The following FAM120C variants were observed in gnomAD, a reference collection of about 807,000 sequenced individuals.
FAM120C encodes the protein constitutive coactivator of PPAR-gamma-like protein 2.
Under a neutral mutation model 71.2 loss-of-function variants are expected in FAM120C, and 14 were observed. The ratio of observed to expected loss-of-function variants is 0.20; its 90% CI spans 0.13 to 0.31. The LOEUF is 0.31. Ranked by LOEUF, FAM120C falls within the 10% of genes least tolerant of loss-of-function variation. The probability of loss-of-function intolerance (pLI) is 1.00; values close to 1 mark genes in which losing one functional copy is unlikely to be tolerated. For missense variants in FAM120C, 500 were observed against 879.0 expected, an observed-to-expected ratio of 0.57 and a Z score of 5.45; for synonymous variants, 354 against 353.2, an observed-to-expected ratio of 1.00 and a Z score of -0.03.
intron 3 of FAM120C, among the ~76,000 whole-genome samples, chrX:54,155,422 CTG>C (rs1307183155): frequency 9.0e-6 from 1 of 111,586 alleles, no homozygotes; most frequent in Non-Finnish European, 1.9e-5. Context: ...GGGTGAGTAT[CTG>C]TGTCAAATGC....
intron 10 of FAM120C, among the ~76,000 whole-genome samples, chrX:54,104,928 C>T (rs952047468): frequency 9.0e-6 from 1 of 111,334 alleles, no homozygotes; most frequent in Admixed American, 9.6e-5. Flanking sequence ...AGCCTACTAA[C>T]CAAAAAAAGT....
At chrX:54,182,155 G>A (rs1292038571) in intron 1 of FAM120C, among the ~76,000 whole-genome samples, 1 of 112,108 alleles carries the variant, frequency 8.9e-6, no homozygotes, top group African/African-American at 3.2e-5. Flanking sequence ...TCAGTTTGAG[G>A]CAGAAGACAC....
chrX:54,126,969 CG>C lies in FAM120C; in HGVS notation c.2062+5722del, dbSNP rs782775519. On this transcript the variant is annotated intron_variant, in intron 9 of 15. Coordinates refer to ENST00000375180, the MANE Select transcript of FAM120C (RefSeq NM_017848.6). ...TTGATTTCTTACAGTTGTGGAGGCT[CG>C]GAAGTCTAAGATCAAGGTATTGGTA... is the stretch of plus-strand genomic sequence containing the variant. Among the ~76,000 whole-genome samples, 30 of 112,258 alleles carry C rather than the reference CG, an allele frequency of 2.7e-4. No individual in the cohort carries two copies. The South Asian group carries it at 5.9e-3, about 22-fold the overall frequency.
intron 10 of FAM120C, among the ~76,000 whole-genome samples, chrX:54,114,481 G>A (rs1187446870): frequency 1.8e-5 from 2 of 110,144 alleles, no homozygotes; most frequent in Non-Finnish European, 3.8e-5. Context: ...GTCTCGCTCT[G>A]TCATCCAGGC....
chrX:54,173,374 G>A (rs782274105), intron 1 of FAM120C, among the ~76,000 whole-genome samples: 6 of 111,740 alleles, frequency 5.4e-5, no homozygotes, highest in South Asian at 7.5e-4. Flanking sequence ...TCAGCCTCTC[G>A]AGTAGCTGGG....
At chrX:54,091,888 G>A (rs1181389683) in intron 10 of FAM120C, among the ~76,000 whole-genome samples, 1 of 111,327 alleles carries the variant, frequency 9.0e-6, no homozygotes, top group Admixed American at 9.7e-5. Context: ...AGCTAAGCAC[G>A]TTTGGAGTGA....
chrX:54,139,620 C>T (rs1203349866), intron 4 of FAM120C, among the ~76,000 whole-genome samples: 2 of 110,741 alleles, frequency 1.8e-5, no homozygotes, highest in African/African-American at 3.3e-5. Context: ...GAATTACAGG[C>T]GTGAGCCACC....
In FAM120C at chrX:54,148,106, A is replaced by G. The variant is rs1397346276; in HGVS notation, c.1158+3139T>C. Among the ~76,000 whole-genome samples, 4 of 111,896 alleles carry G rather than the reference A, an allele frequency of 3.6e-5. No individual in the cohort carries two copies. In the Admixed American group the frequency reaches 3.8e-4, roughly 11 times the overall value. ...CATCACACCAAAAGCATGACCCATA[A>G]AAGATAAAAACTAATGAAAAATTTA... On this transcript the variant is annotated intron_variant, in intron 4 of 15. Transcript: ENST00000375180.
intron 1 of FAM120C, chrX:54,174,281 A>G: frequency 2.2e-6 from 1 of 465,052 alleles, no homozygotes; most frequent in Non-Finnish European, 3.9e-6. Context: ...TGCTCATCAG[A>G]AGCAAGTCAC....
At chrX:54,158,488 G>A (rs782576720) in intron 2 of FAM120C, among the ~76,000 whole-genome samples, 1 of 112,111 alleles carries the variant, frequency 8.9e-6, no homozygotes, top group African/African-American at 3.2e-5. Flanking sequence ...GATATATTGG[G>A]CCAGGCACGG....
chrX:54,177,445 C>T (rs1239450813), intron 1 of FAM120C, among the ~76,000 whole-genome samples: 2 of 111,005 alleles, frequency 1.8e-5, no homozygotes, highest in East Asian at 2.8e-4. Flanking sequence ...TCAAAGGATC[C>T]GATGACCAAG....
intron 1 of FAM120C, 98 bp from the exon 2 acceptor site, chrX:54,159,714 TTTGAAA>T: frequency 1.0e-6 from 1 of 952,759 alleles, no homozygotes; most frequent in South Asian, 2.5e-5. Context: ...TTTGGTGAAA[TTTGAAA>T]TTGTACGTGA....
At position 54,081,357 on chromosome X, in the gene FAM120C, G is replaced by A; in HGVS notation, c.2943C>T (p.Gly981=). ...GCCCACCGACAGAAACCACTTGCATGCCGAAGGATCCTCGGCCCCTGGAGG... is the reference window on the plus strand; with the variant it reads ...GCCCACCGACAGAAACCACTTGCATACCGAAGGATCCTCGGCCCCTGGAGG... ...SRSSRGRGSF[G]MQVVSVGGPG... The change falls in exon 14 of 16, where the codon GGC becomes GGT. Residue 981 remains glycine (G), a synonymous_variant. Transcript: ENST00000375180. The A allele has an allele frequency of 8.3e-7, 1 of 1,209,263 alleles. No individual in the cohort carries two copies. Among genetic ancestry groups the A allele is most frequent in the Non-Finnish European group, 1.1e-6 (1 of 894,670 alleles).
At chrX:54,135,218 G>T in intron 6 of FAM120C, 107 bp from the exon 7 acceptor site, 2 of 765,111 alleles carry the variant, frequency 2.6e-6, no homozygotes, top group Non-Finnish European at 3.7e-6. Context: ...GGAGATTGTT[G>T]AGATACAAAG....
At chrX:54,084,127 C>CT (rs2066782032) in intron 13 of FAM120C, among the ~76,000 whole-genome samples, 1 of 111,945 alleles carries the variant, frequency 8.9e-6, no homozygotes, top group African/African-American at 3.2e-5. Context: ...TAACTGGAGA[C>CT]TAAGCATCAC....
intron 4 of FAM120C, among the ~76,000 whole-genome samples, chrX:54,138,197 G>C (rs968272997): frequency 2.6e-4 from 29 of 111,522 alleles, no homozygotes; most frequent in African/African-American, 9.1e-4. Flanking sequence ...GTGAAGAAGG[G>C]AGACACAAAA....
At chrX:54,146,196 T>C (rs1423201208) in intron 4 of FAM120C, among the ~76,000 whole-genome samples, 2 of 110,748 alleles carry the variant, frequency 1.8e-5, no homozygotes, top group Non-Finnish European at 3.8e-5. Flanking sequence ...TTAGGAGATA[T>C]ACCTAATGTA....
chrX:54,150,975 A>G (rs1374651462), intron 4 of FAM120C, among the ~76,000 whole-genome samples: 2 of 111,358 alleles, frequency 1.8e-5, no homozygotes, highest in African/African-American at 3.3e-5. Flanking sequence ...TTGGCCTCCC[A>G]AAGTGCTGGG....
intron 4 of FAM120C, among the ~76,000 whole-genome samples, chrX:54,144,757 T>A (rs2067145865): frequency 8.9e-6 from 1 of 112,051 alleles, no homozygotes; most frequent in Non-Finnish European, 1.9e-5. Flanking sequence ...AATTTATAGA[T>A]TCAATGCCAT....
Sources: allele counts gnomAD v4.1 joint callset (sites outside exome capture counted in the v4.1 genomes callset), GRCh38; gene constraint gnomAD v4.1.1; transcripts MANE v1.5; gene names NCBI Gene and HGNC (gene_info 2026-07-23, HGNC 2026-07-21).